PEAK1: variants seen among roughly 807,000 people sequenced by gnomAD.
PEAK1 encodes the protein pseudopodium enriched atypical kinase 1.
Under a neutral mutation model 124.7 loss-of-function variants are expected in PEAK1, and 54 were observed. The observed-to-expected ratio is 0.43, with a 90% CI of 0.35 to 0.54. The LOEUF (loss-of-function observed/expected upper bound fraction) is 0.54, where lower values mean the gene tolerates loss of function less well. Among genes scored for constraint, PEAK1 ranks in the 20% least tolerant of loss-of-function variants. The pLI is 0.01. For synonymous variants in PEAK1, 719 were observed against 760.0 expected, an observed-to-expected ratio of 0.95 and a Z score of 0.89; for missense variants, 2,046 against 2,134.5, an observed-to-expected ratio of 0.96 and a Z score of 0.82.
chr15:77,318,798 T>C (rs1312328104), intron 2 of PEAK1, among the ~76,000 whole-genome samples: 1 of 152,084 alleles, frequency 6.6e-6, no homozygotes, highest in African/African-American at 2.4e-5. Flanking sequence ...CAGCTTGCAA[T>C]CATGTCAGAT....
chr15:77,124,708 T>A (rs1384733801), intron 9 of PEAK1, among the ~76,000 whole-genome samples: 1 of 152,228 alleles, frequency 6.6e-6, no homozygotes, highest in African/African-American at 2.4e-5. Context: ...AAATCTTATG[T>A]TATTTCTGTT....
Position 77,181,930 on chromosome 15 carries a change from T to G in PEAK1, c.-4A>C. On this transcript the variant is annotated 5_prime_UTR_variant, in exon 7 of 10. It removes the in-frame stop codon of an upstream open reading frame in the 5' UTR. Coordinates refer to ENST00000682557, the MANE Select transcript of PEAK1 (RefSeq NM_001385026.1). ...TAAAGGTGTTACAAGCAGACATTTT[T>G]AAAAATAGAACTTCACAGACAATGC... is the stretch of plus-strand genomic sequence containing the variant. 1 of 1,539,550 alleles carries G rather than the reference T, an allele frequency of 6.5e-7. No homozygotes were observed. Among genetic ancestry groups the G allele is most frequent in the Non-Finnish European group, 8.7e-7 (1 of 1,145,250 alleles).
chr15:77,128,066 G>A (rs1189352744), intron 9 of PEAK1, among the ~76,000 whole-genome samples: 1 of 149,186 alleles, frequency 6.7e-6, no homozygotes, highest in African/African-American at 2.5e-5. Flanking sequence ...GTGACAGAGT[G>A]AGACTCCATC....
intron 1 of PEAK1, among the ~76,000 whole-genome samples, chr15:77,400,084 G>T (rs1480498913): frequency 6.6e-6 from 1 of 152,124 alleles, no homozygotes; most frequent in Non-Finnish European, 1.5e-5. Context: ...CTGATCATCA[G>T]AGAAATGCAA....
In PEAK1 at chr15:77,112,266, A is replaced by C. The variant is rs2051019581; in HGVS notation, c.*1890T>G. On this transcript the variant is annotated 3_prime_UTR_variant, in exon 10 of 10. Transcript: ENST00000682557. ...CTTAAAAAAGTAATAAGAGCACAAT[A>C]AAATACATTATTTTCCTTTCCTGAT... 6.6e-6 allele frequency: 1 copy of C among 152,264 alleles called. No homozygotes were observed. Among genetic ancestry groups the C allele is most frequent in the African/African-American group, 2.4e-5 (1 of 41,474 alleles). The allele number at this position is 152,264 out of a possible 1,614,324, so 9.4% of individuals were successfully genotyped here.
At chr15:77,413,490 T>A (rs1348031924) in intron 1 of PEAK1, among the ~76,000 whole-genome samples, 1 of 152,012 alleles carries the variant, frequency 6.6e-6, no homozygotes, top group Non-Finnish European at 1.5e-5. Flanking sequence ...TCCCCCAAAA[T>A]CCATAACCCC....
intron 2 of PEAK1, chr15:77,350,286 T>A (rs2067128844): frequency 6.1e-6 from 6 of 985,216 alleles, no homozygotes; most frequent in Non-Finnish European, 7.2e-6. Flanking sequence ...ATTAGAAGAA[T>A]CAATATATAA....
chr15:77,407,557 A>C (rs1245622016), intron 1 of PEAK1, among the ~76,000 whole-genome samples: 2 of 152,338 alleles, frequency 1.3e-5, no homozygotes, highest in East Asian at 3.9e-4. Flanking sequence ...TCAAAACCAC[A>C]ATGCAATACC....
intron 1 of PEAK1, among the ~76,000 whole-genome samples, chr15:77,375,791 C>G (rs1189651923): frequency 6.6e-6 from 1 of 151,964 alleles, no homozygotes; most frequent in Non-Finnish European, 1.5e-5. Context: ...GTCAGGAGAT[C>G]GAGACCATCC....
At chr15:77,265,073 TC>T in intron 5 of PEAK1, among the ~76,000 whole-genome samples, 1 of 152,108 alleles carries the variant, frequency 6.6e-6, no homozygotes, top group Non-Finnish European at 1.5e-5. Context: ...TGAAACTGGA[TC>T]CCTTCCTTAC....
chr15:77,278,318 A>G, intron 5 of PEAK1: 1 of 221,080 alleles, frequency 4.5e-6, no homozygotes, highest in South Asian at 7.0e-5. Context: ...AATTTCAAAA[A>G]ATTAAGCTGA....
chr15:77,115,097 G>C lies in PEAK1; in HGVS notation c.4300C>G (p.Pro1434Ala). ...GATGCTGCTTCAGAACAGGGCTTTG[G>C]GTTTTTCCCATCCGTTTCTCCTTTG... is the stretch of plus-strand genomic sequence containing the variant. ...DAKGETDGKN[P>A]KPCSEAASSQ... The change falls in exon 10 of 10, where the codon CCA becomes GCA. Residue 1434 changes from proline to alanine, a missense_variant. Transcript: ENST00000682557. 6.2e-7 allele frequency: 1 copy of C among 1,614,080 alleles called. No homozygotes were observed. Among genetic ancestry groups the C allele is most frequent in the Non-Finnish European group, 8.5e-7 (1 of 1,180,024 alleles).
At chr15:77,226,053 ATATATAT>A (rs568293258) in intron 6 of PEAK1, among the ~76,000 whole-genome samples, 16,308 of 84,826 alleles carry the variant, frequency 0.19, 1,667 homozygotes, top group Non-Finnish European at 0.24. Flanking sequence ...GGATATATAT[ATATATAT>A]ATATATATAT....
At chr15:77,339,305 T>A (rs1466062822) in intron 2 of PEAK1, among the ~76,000 whole-genome samples, 1 of 152,042 alleles carries the variant, frequency 6.6e-6, no homozygotes, top group East Asian at 1.9e-4. Context: ...GGTTTCATCA[T>A]GTTGCCCAGG....
chr15:77,134,976 G>A (rs1267164969), intron 8 of PEAK1, among the ~76,000 whole-genome samples: 1 of 152,122 alleles, frequency 6.6e-6, no homozygotes, highest in African/African-American at 2.4e-5. Context: ...TGACATTGGA[G>A]GCAGAGTCTG....
chr15:77,127,761 G>T (rs186245828), intron 9 of PEAK1, among the ~76,000 whole-genome samples: 13 of 152,256 alleles, frequency 8.5e-5, no homozygotes, highest in Admixed American at 7.2e-4. Context: ...TGAAGACTTG[G>T]AAAATTTGCA....
intron 1 of PEAK1, among the ~76,000 whole-genome samples, chr15:77,376,929 A>G (rs1421450705): frequency 6.6e-6 from 1 of 152,238 alleles, no homozygotes; most frequent in African/African-American, 2.4e-5. Flanking sequence ...GTAGGTGATC[A>G]TTGTGCAAAC....
At chr15:77,416,034 C>T (rs2072859107) in intron 1 of PEAK1, among the ~76,000 whole-genome samples, 1 of 152,226 alleles carries the variant, frequency 6.6e-6, no homozygotes. Flanking sequence ...CACCCACCCC[C>T]ATGCATTACA....
intron 2 of PEAK1, among the ~76,000 whole-genome samples, chr15:77,292,247 T>G (rs2063258988): frequency 1.3e-5 from 2 of 152,112 alleles, no homozygotes; most frequent in Admixed American, 1.3e-4. Flanking sequence ...GTCACAACAT[T>G]TTCATCAACT....
Sources: allele counts gnomAD v4.1 joint callset (sites outside exome capture counted in the v4.1 genomes callset), GRCh38; gene constraint gnomAD v4.1.1; transcripts MANE v1.5; gene names NCBI Gene and HGNC (gene_info 2026-07-23, HGNC 2026-07-21).